MEI1: variants seen among roughly 807,000 people sequenced by gnomAD.
MEI1 encodes the protein meiotic double-stranded break formation protein 1, also known as meiosis inhibitor protein 1.
Under a neutral mutation model 146.2 loss-of-function variants are expected in MEI1, and 103 were observed. That is an observed-to-expected ratio of 0.70 (90% CI 0.60 to 0.83). The LOEUF is 0.83. Among genes scored for constraint, MEI1 ranks in the 40% least tolerant of loss-of-function variants. MEI1 has a pLI of 0.00. For missense variants in MEI1, 1,529 were observed against 1,533.0 expected (o/e 1.00, Z 0.04); for synonymous variants, 652 against 628.2 (o/e 1.04, Z -0.57).
intron 17 of MEI1, among the ~76,000 whole-genome samples, chr22:41,758,093 G>A (rs2074213949): frequency 6.6e-6 from 1 of 152,102 alleles, no homozygotes; most frequent in African/African-American, 2.4e-5. Flanking sequence ...GGGCAACAGA[G>A]CGAGACTCTG....
chr22:41,726,001 C>T (rs1023758631), intron 7 of MEI1, among the ~76,000 whole-genome samples: 3 of 152,078 alleles, frequency 2.0e-5, no homozygotes, highest in Non-Finnish European at 4.4e-5. Flanking sequence ...GAAGGGAGGC[C>T]GGGTGCAGTG....
rs566522679 is a variant in MEI1, at chr22:41,721,160, A to ATCTCGGCCTCCCCAGGATATGTCCG, written c.734-2782_734-2758dup. On this transcript the variant is annotated intron_variant, in intron 6 of 30. Transcript: ENST00000401548. ...GATCTCTTGACTTCATGATCCGCCC[A>ATCTCGGCCTCCCCAGGATATGTCCG]TCTCGGCCTCCCCAGGATATGTCCG... Among the ~76,000 whole-genome samples the ATCTCGGCCTCCCCAGGATATGTCCG allele has an allele frequency of 1.4e-3, 202 of 141,788 alleles. 1 individual carries two copies. The highest frequency in any genetic ancestry group is 5.3e-3 in the African/African-American group (197 of 37,184). The allele number at this position is 141,788 out of a possible 152,430, so 93.0% of individuals were successfully genotyped here.
In MEI1 at chr22:41,732,279, C is replaced by T. The variant is rs370727002; in HGVS notation, c.1131C>T (p.Ser377=). ...IEAVVRSLQG[S]LKMNNIELHK... ...CAGTGGTGAGGAGCCTGCAGGGAAGCCTGAAGATGAACAACATAGAGCTGC... is the reference window on the plus strand; with the variant it reads ...CAGTGGTGAGGAGCCTGCAGGGAAGTCTGAAGATGAACAACATAGAGCTGC... The change falls in exon 10 of 31, where the codon AGC becomes AGT. Residue 377 remains serine, a synonymous_variant. Transcript: ENST00000401548. The T allele has an allele frequency of 2.0e-5, 33 of 1,612,116 alleles. No individual in the cohort carries two copies. The highest frequency in any genetic ancestry group is 2.7e-5 in the Non-Finnish European group (32 of 1,179,230).
chr22:41,784,353 C>G lies in MEI1; in HGVS notation c.3102C>G (p.Leu1034=), dbSNP rs765033295. 11 of 1,613,784 alleles carry G rather than the reference C, an allele frequency of 6.8e-6. No individual in the cohort carries two copies. The Admixed American group carries it at 1.2e-4, about 17-fold the overall frequency. The change falls in exon 25 of 31, where the codon CTC becomes CTG. Residue 1034 remains leucine, a synonymous_variant. Coordinates refer to ENST00000401548, the MANE Select transcript of MEI1 (RefSeq NM_152513.4). ...HKGSLQVHQT[L]SVEMDQVLKA... ...TGCCCTGCCAGGTTCACCAGACACT[C>G]TCTGTGGAAATGGACCAAGTATTGA...
intron 11 of MEI1, among the ~76,000 whole-genome samples, chr22:41,739,781 C>T (rs1250898826): frequency 1.3e-5 from 2 of 152,088 alleles, no homozygotes; most frequent in Non-Finnish European, 2.9e-5. Flanking sequence ...ACCAGTAGTG[C>T]CTTTTGGGCA....
chr22:41,752,929 C>G (rs1034077176), intron 16 of MEI1, among the ~76,000 whole-genome samples: 2 of 152,082 alleles, frequency 1.3e-5, no homozygotes, highest in Admixed American at 6.6e-5. Flanking sequence ...GGCTGTAATC[C>G]CAGCACTTTG....
chr22:41,748,410 G>A (rs1237889408), intron 15 of MEI1, among the ~76,000 whole-genome samples, 192 bp downstream of exon 15: 2 of 152,172 alleles, frequency 1.3e-5, no homozygotes, highest in Admixed American at 6.5e-5. Flanking sequence ...GGGGCTGGGC[G>A]TGGTAGCTCA....
At chr22:41,777,639 A>G (rs951613241) in intron 21 of MEI1, among the ~76,000 whole-genome samples, 5 of 152,208 alleles carry the variant, frequency 3.3e-5, no homozygotes, top group Non-Finnish European at 5.9e-5. Flanking sequence ...CATAGTGGGA[A>G]GGCCATGGGC....
chr22:41,767,618 C>G (rs947948822), intron 19 of MEI1: 3 of 455,694 alleles, frequency 6.6e-6, no homozygotes, highest in African/African-American at 6.0e-5. Flanking sequence ...AGCTGTTGAA[C>G]ACAACTCTAT....
chr22:41,776,158 G>C lies in MEI1; in HGVS notation c.2601G>C (p.Arg867Ser). 1 of 1,613,896 alleles carries C rather than the reference G, an allele frequency of 6.2e-7. No individual in the cohort carries two copies. ...DTAHKVLISL[R>S]TFLRRNEDIQ... ...CTCACAAGGTACTGATTAGCCTGAG[G>C]ACCTTCCTGAGGAGGAATGAGGATA... Residue 867 changes from arginine to serine, a missense_variant, in exon 21 of 31, where the codon AGG (arginine) becomes AGC (serine). Arg to Ser is a moderately radical substitution (Grantham distance 110, BLOSUM62 -1). Coordinates refer to ENST00000401548, the MANE Select transcript of MEI1 (RefSeq NM_152513.4).
At chr22:41,782,256 A>G (rs1454034579) in intron 24 of MEI1, among the ~76,000 whole-genome samples, 2 of 152,282 alleles carry the variant, frequency 1.3e-5, no homozygotes, top group South Asian at 2.1e-4. Flanking sequence ...CATGCTCTGT[A>G]TATTTGGGGA....
intron 7 of MEI1, among the ~76,000 whole-genome samples, chr22:41,725,344 C>T (rs931477680): frequency 6.6e-6 from 1 of 152,042 alleles, no homozygotes; most frequent in African/African-American, 2.4e-5. Flanking sequence ...AAACTGCTGA[C>T]CTTGTGATCC....
At chr22:41,739,130 A>G (rs1312661471) in intron 11 of MEI1, among the ~76,000 whole-genome samples, 1 of 113,118 alleles carries the variant, frequency 8.8e-6, no homozygotes, top group South Asian at 2.9e-4. Flanking sequence ...CCCTGTCTCT[A>G]CTAAAAATAC....
In MEI1 at chr22:41,742,994, A is replaced by G. The variant is rs1329934324; in HGVS notation, c.1332-86A>G. On this transcript the variant is annotated intron_variant, in intron 11 of 30. Transcript: ENST00000401548. Reference sequence around the variant, plus strand: ...AGATTCCATGTTCTGATCCAACTGCACTGCCTCTCATTGCCTGAGAACCTG... The same window carrying G: ...AGATTCCATGTTCTGATCCAACTGCGCTGCCTCTCATTGCCTGAGAACCTG... The G allele has an allele frequency of 5.8e-6, 5 of 862,390 alleles. No individual in the cohort carries two copies. In the Admixed American group the frequency reaches 1.0e-4, roughly 17 times the overall value. The allele number at this position is 862,390 out of a possible 1,614,324, so 53.4% of individuals were successfully genotyped here. A position where few individuals can be genotyped will look rare whatever the true frequency, so the allele number is the denominator to read the frequency against.
chr22:41,736,627 T>C (rs559726574), intron 11 of MEI1, among the ~76,000 whole-genome samples: 15 of 152,156 alleles, frequency 9.9e-5, no homozygotes, highest in Non-Finnish European at 1.9e-4. Flanking sequence ...GCTTCAGGCT[T>C]CAAGTGATCC....
chr22:41,724,733 T>C (rs954066923), intron 7 of MEI1, among the ~76,000 whole-genome samples: 7 of 151,558 alleles, frequency 4.6e-5, no homozygotes, highest in African/African-American at 1.5e-4. Context: ...GGAGGTTGCA[T>C]TGAGCCATGA....
Position 41,799,361 on chromosome 22 carries a change from T to C in MEI1, c.*62T>C, listed in dbSNP as rs1472277619. 3 of 1,486,848 alleles carry C rather than the reference T, an allele frequency of 2.0e-6. No homozygotes were observed. The highest frequency in any genetic ancestry group is 2.7e-6 in the Non-Finnish European group (3 of 1,096,552). 92.1% of individuals were successfully genotyped at this position (1,486,848 alleles called of 1,614,324 possible). On this transcript the variant is annotated 3_prime_UTR_variant, in exon 31 of 31. Transcript: ENST00000401548. Reference sequence around the variant, plus strand: ...TGAGACCTGGAGACAAAGGGCATAATTGTTGGGGAAATGGATGACAGCTGA... The same window carrying C: ...TGAGACCTGGAGACAAAGGGCATAACTGTTGGGGAAATGGATGACAGCTGA...
chr22:41,772,371 G>T (rs113362181), intron 20 of MEI1, among the ~76,000 whole-genome samples: 2 of 152,124 alleles, frequency 1.3e-5, no homozygotes, highest in Admixed American at 6.5e-5. Context: ...GGCTGGGCGT[G>T]GCAGCTCATG....
rs548004158 is a variant in MEI1, at chr22:41,763,330, C to T, written c.2268+9C>T. 7.4e-6 allele frequency: 12 copies of T among 1,613,008 alleles called. No individual in the cohort carries two copies. In the East Asian group the frequency reaches 2.2e-4, roughly 30 times the overall value. Reference sequence around the variant, plus strand: ...ACAATACACTACGTGAGGTATGGACCACAATGCCTGGGCTCCTTGTCCTTC... The same window carrying T: ...ACAATACACTACGTGAGGTATGGACTACAATGCCTGGGCTCCTTGTCCTTC... On this transcript the variant is annotated intron_variant, in intron 19 of 30. Coordinates refer to ENST00000401548, the MANE Select transcript of MEI1 (RefSeq NM_152513.4).
Sources: allele counts gnomAD v4.1 joint callset (sites outside exome capture counted in the v4.1 genomes callset), GRCh38; gene constraint gnomAD v4.1.1; transcripts MANE v1.5; gene names NCBI Gene and HGNC (gene_info 2026-07-23, HGNC 2026-07-21).